The following AMMECR1 variants were observed in gnomAD, a reference collection of about 807,000 sequenced individuals.
AMMECR1 encodes the protein nuclear protein AMMECR1.
Under a neutral mutation model 22.5 loss-of-function variants are expected in AMMECR1, and 3 were observed. The ratio of observed to expected loss-of-function variants is 0.13; its 90% confidence interval spans 0.06 to 0.35. The LOEUF (loss-of-function observed/expected upper bound fraction) is 0.35, where lower values mean the gene tolerates loss of function less well. AMMECR1 is among the 10% of genes least tolerant of loss of function. The pLI, the probability that AMMECR1 is intolerant of heterozygous loss-of-function variation, is 1.00. For synonymous variants in AMMECR1, 130 were observed against 116.7 expected (o/e 1.11, Z -0.74); for missense variants, 235 against 278.7 (o/e 0.84, Z 1.12).
At chrX:110,338,469 A>T (rs1156457728) in intron 2 of AMMECR1, among the ~76,000 whole-genome samples, 1 of 112,094 alleles carries the variant, frequency 8.9e-6, no homozygotes, top group Non-Finnish European at 1.9e-5. Context: ...GCTTTAATTA[A>T]CACAAAGGTG....
chrX:110,328,590 A>G (rs1451870213), intron 2 of AMMECR1, among the ~76,000 whole-genome samples: 1 of 107,589 alleles, frequency 9.3e-6, no homozygotes, highest in Non-Finnish European at 1.9e-5. Flanking sequence ...TACATTAGGT[A>G]TTTCTCCTAA....
intron 2 of AMMECR1, among the ~76,000 whole-genome samples, chrX:110,361,239 T>G (rs2068261638): frequency 9.0e-6 from 1 of 111,436 alleles, no homozygotes; most frequent in African/African-American, 3.3e-5. Context: ...TTTTTCCCTC[T>G]TTCATATCCT....
chrX:110,375,545 A>G (rs900856842), intron 2 of AMMECR1, among the ~76,000 whole-genome samples: 1 of 105,577 alleles, frequency 9.5e-6, no homozygotes, highest in Non-Finnish European at 1.9e-5. Flanking sequence ...TAGATGAATG[A>G]ATGAATGAAT....
At chrX:110,369,047 T>C (rs1008048738) in intron 2 of AMMECR1, among the ~76,000 whole-genome samples, 1 of 112,064 alleles carries the variant, frequency 8.9e-6, no homozygotes. Flanking sequence ...AGAAAGATCT[T>C]TGTGGCTGTG....
At chrX:110,219,941 C>T (rs1199100305) in intron 2 of AMMECR1, among the ~76,000 whole-genome samples, 1 of 111,790 alleles carries the variant, frequency 8.9e-6, no homozygotes, top group Non-Finnish European at 1.9e-5. Context: ...TGAAAGCCTG[C>T]AAGGATTTAA....
intron 2 of AMMECR1, among the ~76,000 whole-genome samples, chrX:110,419,528 C>G (rs746178577): frequency 3.7e-4 from 42 of 112,689 alleles, no homozygotes; most frequent in Non-Finnish European, 6.8e-4. Flanking sequence ...GTATGTCTCT[C>G]CCACTGGAAT....
At chrX:110,224,332 C>T (rs2067520192) in intron 2 of AMMECR1, among the ~76,000 whole-genome samples, 1 of 109,828 alleles carries the variant, frequency 9.1e-6, no homozygotes, top group Admixed American at 9.7e-5. Context: ...ATGCAAAGAG[C>T]CATGGAGAAT....
At chrX:110,243,229 A>C (rs7062603) in intron 2 of AMMECR1, among the ~76,000 whole-genome samples, 4,851 of 112,145 alleles carry the variant, frequency 0.043, 278 homozygotes, top group African/African-American at 0.15. Flanking sequence ...GAAACCTTCC[A>C]GCCACCTAGC....
In AMMECR1 at chrX:110,304,880, T is replaced by C. The variant is rs1018999445; in HGVS notation, c.473+12719A>G. Among the ~76,000 whole-genome samples the C allele has an allele frequency of 2.7e-5, 3 of 112,076 alleles. No homozygotes were observed. In the East Asian group the frequency reaches 8.3e-4, roughly 31 times the overall value. ...TGTATAATGCTCATCCTGACCTATG[T>C]CTAAGATGTTTCTCTGCCTAGACTG... is the stretch of plus-strand genomic sequence containing the variant. On this transcript the variant is annotated intron_variant, in intron 1 of 5. Coordinates refer to ENST00000262844, the MANE Select transcript of AMMECR1 (RefSeq NM_015365.3).
Position 110,323,253 on chromosome X carries a change from A to T in AMMECR1, c.-147-5404T>A, listed in dbSNP as rs1008518418. On this transcript the variant is annotated intron_variant, in intron 2 of 7. Transcript: ENST00000372057. The stretch of plus-strand genomic sequence containing the variant: ...TCTTTCTTCTTTTTATTGAGATATA[A>T]TTCACAAAGGATACCATCCACCCAT... Among the ~76,000 whole-genome samples, 14 of 112,087 alleles carry T rather than the reference A, an allele frequency of 1.2e-4. No homozygotes were observed. The Admixed American group carries it at 1.3e-3, about 11-fold the overall frequency.
chrX:110,297,444 T>C (rs868617792), intron 1 of AMMECR1, among the ~76,000 whole-genome samples: 1 of 111,623 alleles, frequency 9.0e-6, no homozygotes, highest in Non-Finnish European at 1.9e-5. Context: ...GGATAAGATG[T>C]GAGGAGCTTG....
intron 2 of AMMECR1, among the ~76,000 whole-genome samples, chrX:110,395,384 C>T (rs1024060424): frequency 1.8e-5 from 2 of 112,127 alleles, no homozygotes; most frequent in African/African-American, 6.5e-5. Context: ...TTCCTCTCCT[C>T]TCCCTGAACA....
At chrX:110,396,966 C>T (rs1051166381) in intron 2 of AMMECR1, among the ~76,000 whole-genome samples, 1 of 111,604 alleles carries the variant, frequency 9.0e-6, no homozygotes, top group Admixed American at 9.5e-5. Flanking sequence ...TGGCCACACC[C>T]GTGAGTTTTT....
chrX:110,363,532 G>T (rs1460805074), intron 2 of AMMECR1, among the ~76,000 whole-genome samples: 1 of 111,918 alleles, frequency 8.9e-6, no homozygotes, highest in Non-Finnish European at 1.9e-5. Flanking sequence ...TGCTATGGCT[G>T]GGAAAGTCCA....
At position 110,372,810 on chromosome X, in the gene AMMECR1, T is replaced by C. The variant is rs770334463; in HGVS notation, c.-148+53848A>G. Among the ~76,000 whole-genome samples the C allele has an allele frequency of 3.3e-4, 37 of 111,472 alleles. 1 individual carries two copies. Among genetic ancestry groups the C allele is most frequent in the African/African-American group, 1.2e-3 (37 of 30,704 alleles). ...TCACAGTCACAGCAATGAGCATAAA[T>C]TGACATTTCACCACTCACAGGAAAA... On this transcript the variant is annotated intron_variant, in intron 2 of 7. Coordinates refer to the AMMECR1 transcript ENST00000372057.
intron 1 of AMMECR1, among the ~76,000 whole-genome samples, chrX:110,300,456 G>A (rs183735965): frequency 1.5e-3 from 173 of 112,273 alleles, no homozygotes; most frequent in African/African-American, 5.1e-3. Context: ...TTCTATTACA[G>A]TTATCTCTTA....
chrX:110,372,339 A>C (rs925866168), intron 2 of AMMECR1, among the ~76,000 whole-genome samples: 58 of 112,815 alleles, frequency 5.1e-4, no homozygotes, highest in African/African-American at 1.8e-3. Context: ...AATTAAAATG[A>C]AAAGAAAAAA....
At chrX:110,315,691 G>A (rs958452752) in intron 1 of AMMECR1, among the ~76,000 whole-genome samples, 5 of 112,177 alleles carry the variant, frequency 4.5e-5, no homozygotes, top group African/African-American at 1.6e-4. Flanking sequence ...CTGAAAGTGT[G>A]TTCTCATATG....
chrX:110,235,590 T>G (rs1360432850), intron 2 of AMMECR1, among the ~76,000 whole-genome samples: 1 of 112,145 alleles, frequency 8.9e-6, no homozygotes, highest in Non-Finnish European at 1.9e-5. Context: ...TAGACTGGAT[T>G]AAGAAAATGT....
Sources: allele counts gnomAD v4.1 joint callset (sites outside exome capture counted in the v4.1 genomes callset), GRCh38; gene constraint gnomAD v4.1.1; transcripts MANE v1.5; gene names NCBI Gene and HGNC (gene_info 2026-07-23, HGNC 2026-07-21).